CLPTM1: variants seen among roughly 807,000 people sequenced by gnomAD.
CLPTM1 encodes putative lipid scramblase CLPTM1.
In CLPTM1, 21 loss-of-function variants were observed where a neutral mutation model predicts 77.3. That is an observed-to-expected ratio of 0.27 (90% CI 0.19 to 0.39). CLPTM1 has a LOEUF of 0.39. CLPTM1 is among the 10% of genes least tolerant of loss of function. CLPTM1 has a pLI of 1.00. For synonymous variants in CLPTM1, 373 were observed against 381.0 expected (o/e 0.98, Z 0.24); for missense variants, 642 against 921.2 (o/e 0.70, Z 3.92).
intron 5 of CLPTM1, among the ~76,000 whole-genome samples, chr19:44,979,208 G>C (rs1256722654): frequency 1.3e-5 from 2 of 152,094 alleles, no homozygotes; most frequent in Admixed American, 1.3e-4. Context: ...TCAAACTCCT[G>C]ACCTCAAGTG....
chr19:44,965,551 C>T (rs1180938381), intron 2 of CLPTM1, among the ~76,000 whole-genome samples: 2 of 151,768 alleles, frequency 1.3e-5, no homozygotes, highest in African/African-American at 4.8e-5. Flanking sequence ...CGGTGGCTCA[C>T]GCCTGTAATC....
rs1970898002 is a variant in CLPTM1, at chr19:44,981,574, A to C, written c.587-3644A>C. On this transcript the variant is annotated intron_variant, in intron 5 of 13. Transcript: ENST00000337392. ...CAGGCCACTGCACTTCAGCCTGAGC[A>C]ACAAAGCGAGACCCTGTCTCAAAAA... Among the ~76,000 whole-genome samples the C allele has an allele frequency of 1.3e-5, 2 of 152,142 alleles. 1 individual carries two copies. The highest frequency in any genetic ancestry group is 4.1e-4 in the South Asian group (2 of 4,828).
In CLPTM1 at chr19:44,991,155, A is replaced by T; in HGVS notation, c.1420-83A>T. ...TTCCCCCTGCCCGGCCTGCCAGACC[A>T]GGTGTGGTGGGTGAGGGCGGGGAGC... On this transcript the variant is annotated intron_variant, in intron 11 of 13. Coordinates refer to ENST00000337392, the MANE Select transcript of CLPTM1 (RefSeq NM_001294.4). The surrounding 1 kb of genome is among the most constrained non-coding windows in gnomAD (Gnocchi z 5.4). 1 of 1,589,736 alleles carries T rather than the reference A, an allele frequency of 6.3e-7. No homozygotes were observed. The highest frequency in any genetic ancestry group is 8.6e-7 in the Non-Finnish European group (1 of 1,165,496).
At chr19:44,972,663 C>A (rs993889480) in intron 2 of CLPTM1, among the ~76,000 whole-genome samples, 1 of 151,398 alleles carries the variant, frequency 6.6e-6, no homozygotes, top group African/African-American at 2.4e-5. Context: ...TTCTTTATTT[C>A]TTTTTTCTTT....
intron 2 of CLPTM1, among the ~76,000 whole-genome samples, chr19:44,963,449 C>CCGAG (rs1234991602): frequency 5.3e-5 from 8 of 150,520 alleles, no homozygotes; most frequent in Admixed American, 5.3e-4. Context: ...CCTCAGCCTC[C>CCGAG]CGAGTAGCTG....
At chr19:44,972,739 G>T (rs1481872666) in intron 2 of CLPTM1, among the ~76,000 whole-genome samples, 3 of 151,774 alleles carry the variant, frequency 2.0e-5, no homozygotes, top group Non-Finnish European at 4.4e-5. Context: ...GATCCCAGGG[G>T]GCTGGATGGC....
intron 5 of CLPTM1, among the ~76,000 whole-genome samples, chr19:44,980,026 G>A (rs1225885410): frequency 6.6e-6 from 1 of 152,152 alleles, no homozygotes; most frequent in Admixed American, 6.6e-5. Flanking sequence ...GTCACTGTGT[G>A]GTGAGGTTTA....
intron 5 of CLPTM1, 75 bp from the exon 6 acceptor site, chr19:44,985,143 G>T: frequency 2.0e-6 from 2 of 1,018,168 alleles, no homozygotes; most frequent in South Asian, 1.3e-5. Flanking sequence ...TTGCTGGTGG[G>T]CAGGGGTCCG....
intron 2 of CLPTM1, among the ~76,000 whole-genome samples, chr19:44,968,565 G>A (rs1970669987): frequency 6.6e-6 from 1 of 152,214 alleles, no homozygotes; most frequent in South Asian, 2.1e-4. Flanking sequence ...AGGCCTGGGT[G>A]CATGGATGAG....
chr19:44,984,975 T>G (rs983624061), intron 5 of CLPTM1, among the ~76,000 whole-genome samples: 2 of 152,232 alleles, frequency 1.3e-5, no homozygotes, highest in East Asian at 1.9e-4. Context: ...AGTGCCCTAC[T>G]GAGCTGGGGT....
At chr19:44,969,837 G>A (rs559743014) in intron 2 of CLPTM1, among the ~76,000 whole-genome samples, 4 of 151,770 alleles carry the variant, frequency 2.6e-5, no homozygotes, top group Non-Finnish European at 4.4e-5. Flanking sequence ...ACAGGCGCCC[G>A]CCACCACGCC....
chr19:44,987,458 G>A, intron 8 of CLPTM1, 35 bp downstream of exon 8: 1 of 1,606,628 alleles, frequency 6.2e-7, no homozygotes, highest in Non-Finnish European at 8.5e-7. Flanking sequence ...ACTTCCCGGT[G>A]CCTTCCTGGG....
rs760061291 is a variant in CLPTM1, at chr19:44,974,607, GCT to G, written c.468+14_468+15del. On this transcript the variant is annotated intron_variant, in intron 4 of 13. Transcript: ENST00000337392. ...GCTCGATATCCCACAGGTGGGGGCA[GCT>G]CTCGGTTTCTGGCCCCATGGCTGCT... The G allele has an allele frequency of 2.5e-6, 4 of 1,611,162 alleles. No individual in the cohort carries two copies. The highest frequency in any genetic ancestry group is 2.5e-6 in the Non-Finnish European group (3 of 1,177,970).
rs1260624523 is a variant in CLPTM1 at position 44,990,882 on chromosome 19, C to T, written c.1356C>T (p.Phe452=). 2 of 1,613,912 alleles carry T rather than the reference C, an allele frequency of 1.2e-6. No individual in the cohort carries two copies. Among genetic ancestry groups the T allele is most frequent in the South Asian group, 1.1e-5 (1 of 91,068 alleles). The change falls in exon 11 of 14, where the codon TTC becomes TTT. Residue 452 remains phenylalanine, a synonymous_variant. Transcript: ENST00000337392. The surrounding 1 kb of genome is among the most constrained non-coding windows in gnomAD (Gnocchi z 4.8). Reference sequence around the variant, plus strand: ...GAGAGCACAGGGTGGCAGGAATCTTCCCCCGCCTATCCTTCAAGGACAAGT... The same window carrying T: ...GAGAGCACAGGGTGGCAGGAATCTTTCCCCGCCTATCCTTCAAGGACAAGT... ...LDREHRVAGI[F]PRLSFKDKST... is the part of the protein sequence containing the mutation.
intron 1 of CLPTM1, chr19:44,955,852 G>A (rs537502103): frequency 5.1e-6 from 1 of 195,766 alleles, no homozygotes; most frequent in African/African-American, 2.3e-5. Context: ...TGTGCGCAGT[G>A]ATTAATTGGG....
Position 44,974,571 on chromosome 19 carries a change from C to T in CLPTM1, c.442C>T (p.His148Tyr). Residue 148 changes from histidine (H) to tyrosine (Y), a missense_variant, in exon 4 of 14, where the codon CAC becomes TAC. This residue lies in a region of CLPTM1 where 521 missense variants were observed against 800.4 expected (regional missense o/e 0.65). Transcript: ENST00000337392. ...SGENSDGCYE[H>Y]FAELDIPQSV... ...CGAGAACTCAGACGGCTGCTACGAG[C>T]ACTTTGCTGAGCTCGATATCCCACA... 6.2e-7 allele frequency: 1 copy of T among 1,614,158 alleles called. No individual in the cohort carries two copies. The highest frequency in any genetic ancestry group is 8.5e-7 in the Non-Finnish European group (1 of 1,179,994).
chr19:44,966,974 T>C (rs1480890425), intron 2 of CLPTM1, among the ~76,000 whole-genome samples: 2 of 152,040 alleles, frequency 1.3e-5, no homozygotes, highest in African/African-American at 2.4e-5. Flanking sequence ...CCCGAGTAGC[T>C]GGGACTACAG....
At chr19:44,979,308 G>A (rs1283575259) in intron 5 of CLPTM1, among the ~76,000 whole-genome samples, 5 of 151,968 alleles carry the variant, frequency 3.3e-5, no homozygotes, top group Admixed American at 1.3e-4. Context: ...CTTTTTCCCT[G>A]AGTCCTCTGT....
chr19:44,969,002 G>C (rs1970677480), intron 2 of CLPTM1, among the ~76,000 whole-genome samples: 1 of 152,094 alleles, frequency 6.6e-6, no homozygotes. Flanking sequence ...TCCTGCCCCT[G>C]ATCAGGGCTC....
Sources: gnomAD v4.1 joint callset for allele counts (sites outside exome capture counted in the v4.1 genomes callset) on GRCh38, gnomAD v4.1.1 for gene constraint, gnomAD v4.1.1 regional missense constraint, Gnocchi (gnomAD v3.1) non-coding constraint, MANE v1.5 for transcripts, NCBI Gene and HGNC (gene_info 2026-07-23, HGNC 2026-07-21) for gene names.